Variants in SORCS3 observed in about 807,000 individuals in gnomAD.
SORCS3 encodes the protein VPS10 domain-containing receptor SorCS3.
In SORCS3, 57 loss-of-function variants were observed where a neutral mutation model predicts 146.3. The ratio of observed to expected loss-of-function variants is 0.39; its 90% CI spans 0.31 to 0.49. The LOEUF (loss-of-function observed/expected upper bound fraction) is 0.49. SORCS3 is among the 20% of genes least tolerant of loss of function. SORCS3 has a pLI of 0.92. For synonymous variants in SORCS3, 653 were observed against 618.5 expected, an observed-to-expected ratio of 1.06 and a Z score of -0.83; for missense variants, 1,341 against 1,575.5, an observed-to-expected ratio of 0.85 and a Z score of 2.52.
At chr10:104,719,788 A>G (rs2016522223) in intron 1 of SORCS3, among the ~76,000 whole-genome samples, 1 of 152,184 alleles carries the variant, frequency 6.6e-6, no homozygotes, top group Non-Finnish European at 1.5e-5. Flanking sequence ...TGCCAGCAGG[A>G]AACCATGAGA....
At chr10:105,143,381 A>G (rs1335116518) in intron 8 of SORCS3, among the ~76,000 whole-genome samples, 2 of 152,002 alleles carry the variant, frequency 1.3e-5, no homozygotes, top group Admixed American at 6.6e-5. Context: ...GGTGACTCCT[A>G]TATCTACAAC....
intron 4 of SORCS3, among the ~76,000 whole-genome samples, chr10:105,020,754 C>G (rs1415912514): frequency 6.6e-6 from 1 of 152,168 alleles, no homozygotes; most frequent in East Asian, 1.9e-4. Context: ...ACCTGATTCT[C>G]ACCGTCACCT....
In SORCS3 at chr10:105,263,263, T is replaced by G. The variant is rs778160242; in HGVS notation, c.3605-47T>G. 1.9e-6 allele frequency: 3 copies of G among 1,586,512 alleles called. No individual in the cohort carries two copies. In the South Asian group the frequency reaches 3.3e-5, roughly 18 times the overall value. On this transcript the variant is annotated intron_variant, in intron 26 of 26. Transcript: ENST00000369701. The stretch of plus-strand genomic sequence containing the variant: ...GTGAATAAAACTAAGATCCCTGCCC[T>G]TGTGGAACTCACATCCATTTCTCCC...
intron 1 of SORCS3, among the ~76,000 whole-genome samples, chr10:104,742,257 T>C (rs1185699732): frequency 2.6e-5 from 4 of 152,214 alleles, no homozygotes; most frequent in African/African-American, 9.6e-5. Context: ...CCCAGAAAAT[T>C]GTTTTTGTTC....
intron 1 of SORCS3, among the ~76,000 whole-genome samples, chr10:104,808,241 A>T (rs2017701501): frequency 1.3e-5 from 2 of 152,332 alleles, no homozygotes; most frequent in African/African-American, 2.4e-5. Context: ...ATCAGAGTGG[A>T]TCTTCATTTA....
intron 1 of SORCS3, among the ~76,000 whole-genome samples, chr10:104,700,834 A>G (rs978661001): frequency 5.9e-5 from 9 of 152,330 alleles, no homozygotes; most frequent in African/African-American, 1.9e-4. Context: ...GGATGTGAAT[A>G]TCAGAGACAG....
chr10:105,084,560 T>G (rs1316511424), intron 5 of SORCS3, among the ~76,000 whole-genome samples: 3 of 152,184 alleles, frequency 2.0e-5, no homozygotes, highest in African/African-American at 7.2e-5. Flanking sequence ...TCAGATAGTT[T>G]CCTGGTGAGT....
At chr10:104,709,098 G>A (rs952299540) in intron 1 of SORCS3, among the ~76,000 whole-genome samples, 3 of 152,170 alleles carry the variant, frequency 2.0e-5, no homozygotes, top group African/African-American at 7.2e-5. Context: ...TCATTCTCCA[G>A]CCTCACACTC....
intron 1 of SORCS3, among the ~76,000 whole-genome samples, chr10:104,820,209 G>C (rs968355108): frequency 3.3e-5 from 5 of 152,128 alleles, no homozygotes; most frequent in African/African-American, 1.2e-4. Flanking sequence ...TGCCATTTAC[G>C]TGTCGTGGGA....
chr10:104,813,999 C>T (rs1490954711), intron 1 of SORCS3, among the ~76,000 whole-genome samples: 2 of 150,496 alleles, frequency 1.3e-5, no homozygotes, highest in South Asian at 4.2e-4. Context: ...GTTTTTTTCC[C>T]CCTATTCCAG....
At chr10:105,048,067 C>T (rs911356437) in intron 5 of SORCS3, among the ~76,000 whole-genome samples, 24 of 151,928 alleles carry the variant, frequency 1.6e-4, no homozygotes, top group Non-Finnish European at 3.1e-4. Context: ...GAAATAGGAA[C>T]ACTTTTACAC....
chr10:105,089,752 C>G, intron 5 of SORCS3, 23 bp from the exon 6 acceptor site: 1 of 1,610,792 alleles, frequency 6.2e-7, no homozygotes, highest in Non-Finnish European at 8.5e-7. Flanking sequence ...CACTGAGCTT[C>G]TGTCTCTCCC....
At chr10:104,738,798 C>T (rs531863143) in intron 1 of SORCS3, among the ~76,000 whole-genome samples, 153 of 152,240 alleles carry the variant, frequency 1.0e-3, no homozygotes, top group African/African-American at 2.7e-3. Flanking sequence ...TCCCTTGAGA[C>T]GCAAGGGCTT....
intron 20 of SORCS3, among the ~76,000 whole-genome samples, chr10:105,235,776 C>G (rs2056790155): frequency 6.6e-6 from 1 of 151,942 alleles, no homozygotes; most frequent in Admixed American, 6.6e-5. Flanking sequence ...GGTTAAGTTT[C>G]TAGAACTGCT....
intron 5 of SORCS3, among the ~76,000 whole-genome samples, chr10:105,054,864 A>C (rs1464197688): frequency 6.6e-6 from 1 of 152,176 alleles, no homozygotes; most frequent in East Asian, 1.9e-4. Context: ...ATAAAACCAA[A>C]ATAGAACTCT....
intron 3 of SORCS3, among the ~76,000 whole-genome samples, chr10:104,924,339 T>C (rs1467013082): frequency 6.6e-6 from 1 of 152,220 alleles, no homozygotes; most frequent in Non-Finnish European, 1.5e-5. Flanking sequence ...TGGAGAATTC[T>C]GATCTGATAG....
At position 104,815,312 on chromosome 10, in the gene SORCS3, G is replaced by A. The variant is rs546547246; in HGVS notation, c.628-27480G>A. On this transcript the variant is annotated intron_variant, in intron 1 of 26. Coordinates refer to ENST00000369701, the MANE Select transcript of SORCS3 (RefSeq NM_014978.3). ...CTGTCTCTACTGAAAATACAAAAGT[G>A]GTGGCACACGCCTGTAGTTCCAGCT... Among the ~76,000 whole-genome samples, 51 of 151,954 alleles carry A rather than the reference G, an allele frequency of 3.4e-4. 1 individual carries two copies. The South Asian group carries it at 0.01, about 31-fold the overall frequency.
intron 1 of SORCS3, among the ~76,000 whole-genome samples, chr10:104,726,639 C>A (rs1328003660): frequency 6.6e-6 from 1 of 151,942 alleles, no homozygotes; most frequent in Non-Finnish European, 1.5e-5. Flanking sequence ...CTAGTTTGCT[C>A]AATTGCTGTT....
intron 1 of SORCS3, among the ~76,000 whole-genome samples, chr10:104,779,421 G>A (rs896676311): frequency 6.6e-6 from 1 of 152,124 alleles, no homozygotes; most frequent in Non-Finnish European, 1.5e-5. Flanking sequence ...GAGAGGACAC[G>A]TACACACAAC....
Sources: allele counts gnomAD v4.1 joint callset (sites outside exome capture counted in the v4.1 genomes callset), GRCh38; gene constraint gnomAD v4.1.1; transcripts MANE v1.5; gene names NCBI Gene and HGNC (gene_info 2026-07-23, HGNC 2026-07-21).